Variants in FAM168B observed in about 807,000 individuals in gnomAD.
FAM168B encodes the protein family with sequence similarity 168 member B.
Under a neutral mutation model 21.8 loss-of-function variants are expected in FAM168B, and 19 were observed. The observed-to-expected ratio is 0.87, with a 90% CI of 0.61 to 1.28. FAM168B has a LOEUF of 1.28. Among genes scored for constraint, FAM168B ranks in the 50% most tolerant of loss-of-function variants. The pLI, the probability that FAM168B is intolerant of heterozygous loss-of-function variation, is 0.00. For missense variants in FAM168B, 233 were observed against 263.1 expected (o/e 0.89, Z 0.79); for synonymous variants, 126 against 104.8 (o/e 1.20, Z -1.24).
intron 3 of FAM168B, among the ~76,000 whole-genome samples, chr2:131,064,349 G>A (rs1692450906): frequency 6.6e-6 from 1 of 152,064 alleles, no homozygotes; most frequent in African/African-American, 2.4e-5. Flanking sequence ...AAGTACATGT[G>A]AGGAGAGAAG....
chr2:131,064,755 G>C (rs1197417983), intron 3 of FAM168B, among the ~76,000 whole-genome samples: 5 of 152,168 alleles, frequency 3.3e-5, no homozygotes, highest in South Asian at 2.1e-4. Flanking sequence ...GGGATGATGA[G>C]AACAGTGACC....
chr2:131,050,910 C>T lies in FAM168B; in HGVS notation c.*1555G>A. ...TAGAGGCCGCTGAAAGGGACCCAGG[C>T]CTTACATCCCCCACCCCCACTCTGA... On this transcript the variant is annotated 3_prime_UTR_variant, in exon 7 of 7. Transcript: ENST00000389915. 1 of 985,826 alleles carries T rather than the reference C, an allele frequency of 1.0e-6. No individual in the cohort carries two copies. Among genetic ancestry groups the T allele is most frequent in the Non-Finnish European group, 1.2e-6 (1 of 830,264 alleles). 61.1% of individuals were successfully genotyped at this position (985,826 alleles called of 1,614,324 possible).
At chr2:131,084,980 G>A (rs1466068528) in intron 1 of FAM168B, among the ~76,000 whole-genome samples, 3 of 152,138 alleles carry the variant, frequency 2.0e-5, no homozygotes, top group South Asian at 2.1e-4. Flanking sequence ...CTCCTAAAAT[G>A]CAGTGTATTA....
chr2:131,049,423 A>G lies in FAM168B; in HGVS notation c.*3042T>C. On this transcript the variant is annotated 3_prime_UTR_variant, in exon 7 of 7. Coordinates refer to ENST00000389915, the MANE Select transcript of FAM168B (RefSeq NM_001009993.4). ...AACCACACCAAGAAGAACGTTCTTA[A>G]CAGATGGCTCACGAGAGACATAAAA... 2.0e-6 allele frequency: 2 copies of G among 985,464 alleles called. No homozygotes were observed. Among genetic ancestry groups the G allele is most frequent in the Non-Finnish European group, 2.4e-6 (2 of 829,950 alleles). 61.0% of individuals were successfully genotyped at this position (985,464 alleles called of 1,614,324 possible).
At chr2:131,076,751 G>T (rs1426067213) in intron 2 of FAM168B, among the ~76,000 whole-genome samples, 1 of 151,208 alleles carries the variant, frequency 6.6e-6, no homozygotes, top group African/African-American at 2.4e-5. Context: ...TTCAGATAAA[G>T]TATCTAAATT....
At chr2:131,082,842 C>A (rs148119174) in intron 1 of FAM168B, among the ~76,000 whole-genome samples, 185 bp from the exon 2 acceptor site, 2 of 152,162 alleles carry the variant, frequency 1.3e-5, no homozygotes, top group African/African-American at 2.4e-5. Context: ...GGTGCCAAAC[C>A]AGGGCATGAT....
intron 3 of FAM168B, among the ~76,000 whole-genome samples, chr2:131,065,162 C>T (rs1204266840): frequency 6.6e-6 from 1 of 152,158 alleles, no homozygotes; most frequent in Non-Finnish European, 1.5e-5. Context: ...AAGCAGGGAA[C>T]AGCAGAAACA....
chr2:131,093,438 G>C lies in FAM168B; in HGVS notation c.-236C>G, dbSNP rs970202890. The C allele has an allele frequency of 6.6e-6, 1 of 151,246 alleles. No individual in the cohort carries two copies. The highest frequency in any genetic ancestry group is 2.0e-4 in the South Asian group (1 of 4,888). The allele number at this position is 151,246 out of a possible 1,614,324, so 9.4% of individuals were successfully genotyped here. The stretch of plus-strand genomic sequence containing the variant: ...GCAGCCCGCGCTCCCCGCCGACGCT[G>C]CGCAGCCACCGGAGCCGCCGACCTC... On this transcript the variant is annotated 5_prime_UTR_variant, in exon 1 of 7. Coordinates refer to ENST00000389915, the MANE Select transcript of FAM168B (RefSeq NM_001009993.4).
chr2:131,071,541 A>T (rs1357562095), intron 3 of FAM168B, among the ~76,000 whole-genome samples: 1 of 152,262 alleles, frequency 6.6e-6, no homozygotes, highest in African/African-American at 2.4e-5. Context: ...TTAACATGGA[A>T]ATTCCACCTG....
chr2:131,067,654 T>C (rs1479634445), intron 3 of FAM168B, among the ~76,000 whole-genome samples: 1 of 152,116 alleles, frequency 6.6e-6, no homozygotes, highest in South Asian at 2.1e-4. Context: ...GAGGCAGGAT[T>C]GCTTGGCAGT....
chr2:131,062,365 T>C (rs1692348268), intron 3 of FAM168B, among the ~76,000 whole-genome samples: 1 of 152,236 alleles, frequency 6.6e-6, no homozygotes, highest in African/African-American at 2.4e-5. Context: ...CTACGATGTC[T>C]TCCTTTTCTT....
At position 131,047,926 on chromosome 2, in the gene FAM168B, T is replaced by G. The variant is rs1025003208; in HGVS notation, c.*4539A>C. ...AAACTGCAGTATTAATACATAACAA[T>G]TCTTGTTACAATAAACGTGCTTTTG... On this transcript the variant is annotated 3_prime_UTR_variant, in exon 7 of 7. Transcript: ENST00000389915. The G allele has an allele frequency of 4.5e-5, 10 of 222,940 alleles. No individual in the cohort carries two copies. Among genetic ancestry groups the G allele is most frequent in the Admixed American group, 1.7e-4 (3 of 18,064 alleles). 13.8% of individuals were successfully genotyped at this position (222,940 alleles called of 1,614,324 possible).
At chr2:131,080,760 C>T (rs1373812862) in intron 2 of FAM168B, among the ~76,000 whole-genome samples, 3 of 151,732 alleles carry the variant, frequency 2.0e-5, no homozygotes, top group Non-Finnish European at 4.4e-5. Flanking sequence ...AGCTCCACCT[C>T]CCGGGTTCAC....
chr2:131,088,733 T>C (rs1693845948), intron 1 of FAM168B, among the ~76,000 whole-genome samples: 1 of 152,206 alleles, frequency 6.6e-6, no homozygotes, highest in Non-Finnish European at 1.5e-5. Context: ...CTACATCAAG[T>C]AGAAATTATG....
chr2:131,075,969 TCATCCCATCAGCCA>T (rs1326043120), intron 2 of FAM168B, among the ~76,000 whole-genome samples: 2 of 152,078 alleles, frequency 1.3e-5, no homozygotes, highest in Non-Finnish European at 2.9e-5. Flanking sequence ...TCCCATCGCC[TCATCCCATCAGCCA>T]CATCCCACTT....
intron 3 of FAM168B, among the ~76,000 whole-genome samples, chr2:131,070,265 G>A (rs1451605876): frequency 2.0e-5 from 3 of 152,128 alleles, no homozygotes; most frequent in Non-Finnish European, 4.4e-5. Context: ...AAAACTCAAC[G>A]ATAAGAAAAC....
In FAM168B at chr2:131,055,468, C is replaced by G. The variant is rs1691964261; in HGVS notation, c.298-19G>C. The G allele has an allele frequency of 1.9e-6, 3 of 1,604,918 alleles. No homozygotes were observed. Among genetic ancestry groups the G allele is most frequent in the East Asian group, 4.5e-5 (2 of 44,738 alleles). Reference sequence around the variant, plus strand: ...TGCCTTGCTGTGGGGAGAAGAGAGACAACTGACACAGGGTCCCAGGGCCAA... The same window carrying G: ...TGCCTTGCTGTGGGGAGAAGAGAGAGAACTGACACAGGGTCCCAGGGCCAA... On this transcript the variant is annotated intron_variant, in intron 4 of 6. Transcript: ENST00000389915.
rs532118035 is a variant in FAM168B, at chr2:131,082,490, G to A, written c.70+87C>T. ...TCTTGTCTAAGCCACTTTGAGCTGC[G>A]TTTGTCAATAGAAAGCATTCTTAGT... On this transcript the variant is annotated intron_variant, in intron 2 of 6. Transcript: ENST00000389915. 703 of 892,214 alleles carry A rather than the reference G, an allele frequency of 7.9e-4. 16 individuals are homozygous for A. In the South Asian group the frequency reaches 0.011, roughly 14 times the overall value. 55.3% of individuals were successfully genotyped at this position (892,214 alleles called of 1,614,324 possible). A position where few individuals can be genotyped will look rare whatever the true frequency, so the allele number is the denominator to read the frequency against.
intron 3 of FAM168B, among the ~76,000 whole-genome samples, chr2:131,070,170 C>A (rs1473481029): frequency 6.6e-6 from 1 of 152,102 alleles, no homozygotes; most frequent in Non-Finnish European, 1.5e-5. Flanking sequence ...ACTTTTAAAA[C>A]CCCTGCTCTT....
Sources: allele counts gnomAD v4.1 joint callset (sites outside exome capture counted in the v4.1 genomes callset), GRCh38; gene constraint gnomAD v4.1.1; transcripts MANE v1.5; gene names NCBI Gene and HGNC (gene_info 2026-07-23, HGNC 2026-07-21).